Variants in CACNA1E observed in about 807,000 individuals in gnomAD.
CACNA1E encodes the protein calcium voltage-gated channel subunit alpha1 E, also known as voltage-dependent R-type calcium channel subunit alpha-1E.
CACNA1E carries 40 observed loss-of-function variants against 259.2 expected under a neutral mutation model. The ratio of observed to expected loss-of-function variants is 0.15; its 90% CI spans 0.12 to 0.20. The LOEUF (loss-of-function observed/expected upper bound fraction) is 0.20. Ranked by LOEUF, CACNA1E falls within the 10% of genes least tolerant of loss-of-function variation. CACNA1E has a pLI of 1.00. For missense variants in CACNA1E, 1,874 were observed against 3,040.1 expected, an observed-to-expected ratio of 0.62 and a Z score of 9.02; for synonymous variants, 1,104 against 1,138.5, an observed-to-expected ratio of 0.97 and a Z score of 0.61.
At chr1:181,609,838 C>T (rs1445939276) in intron 6 of CACNA1E, among the ~76,000 whole-genome samples, 1 of 152,132 alleles carries the variant, frequency 6.6e-6, no homozygotes, top group East Asian at 1.9e-4. Context: ...ACAAGCAGTA[C>T]GCTGGATCTG....
At chr1:181,741,807 G>A (rs1007913133) in intron 25 of CACNA1E, among the ~76,000 whole-genome samples, 16 of 152,184 alleles carry the variant, frequency 1.1e-4, no homozygotes, top group Admixed American at 2.6e-4. Context: ...TAACGGCCCC[G>A]GAGCTGAAGC....
rs571483864 is a variant in CACNA1E, at chr1:181,348,907, G to A, written c.-15+30784G>A. On this transcript the variant is annotated intron_variant, in intron 1 of 11. Coordinates refer to the CACNA1E transcript ENST00000524607. ...TTCAGTGAAGGCACAATGGGATGTG[G>A]CCAGGTCCTACAGCCAGACAGTGGT... Among the ~76,000 whole-genome samples the A allele has an allele frequency of 2.0e-4, 30 of 152,294 alleles. No individual in the cohort carries two copies. The East Asian group carries it at 5.2e-3, about 26-fold the overall frequency.
intron 7 of CACNA1E, among the ~76,000 whole-genome samples, chr1:181,685,388 C>A (rs990978743): frequency 6.6e-6 from 1 of 152,106 alleles, no homozygotes; most frequent in Admixed American, 6.6e-5. Context: ...TTGAGGGAAC[C>A]GAGTTGGAAT....
At chr1:181,469,484 G>A (rs776984551) in intron 2 of CACNA1E, among the ~76,000 whole-genome samples, 1 of 152,036 alleles carries the variant, frequency 6.6e-6, no homozygotes, top group Non-Finnish European at 1.5e-5. Context: ...TCATGGTGCT[G>A]TCAGGTCATC....
Position 181,796,797 on chromosome 1 carries a change from C to G in CACNA1E, c.6338C>G (p.Ser2113Cys), listed in dbSNP as rs1661846253. Residue 2113 changes from serine (S) to cysteine (C), a missense_variant, in exon 47 of 48, where the codon TCC becomes TGC. Transcript: ENST00000367573. ...CGAGGGACCCAGGCTGACTGGGAGTCCCCAGAGCGCCGTCAATCCAGGTCA... is the reference window on the plus strand; with the variant it reads ...CGAGGGACCCAGGCTGACTGGGAGTGCCCAGAGCGCCGTCAATCCAGGTCA... ...EERGTQADWESPERRQSRSPS... is the reference protein window; with the variant it reads ...EERGTQADWECPERRQSRSPS... The G allele has an allele frequency of 6.2e-7, 1 of 1,610,730 alleles. No individual in the cohort carries two copies. Among genetic ancestry groups the G allele is most frequent in the Non-Finnish European group, 8.5e-7 (1 of 1,178,486 alleles).
intron 7 of CACNA1E, among the ~76,000 whole-genome samples, chr1:181,704,789 C>T (rs1238080369): frequency 6.6e-6 from 1 of 152,174 alleles, no homozygotes; most frequent in East Asian, 1.9e-4. Context: ...ACAAAGCTCC[C>T]TGCATGGAGC....
At chr1:181,407,761 A>G (rs979813277) in intron 1 of CACNA1E, among the ~76,000 whole-genome samples, 1 of 152,200 alleles carries the variant, frequency 6.6e-6, no homozygotes, top group Non-Finnish European at 1.5e-5. Context: ...GCGGGTGAGT[A>G]TGCTGAGTAG....
chr1:181,553,106 A>T (rs966128632), intron 3 of CACNA1E, among the ~76,000 whole-genome samples: 151 of 152,126 alleles, frequency 9.9e-4, no homozygotes, highest in African/African-American at 3.4e-3. Context: ...GGCCATTTTT[A>T]CGATATTGAT....
At chr1:181,794,829 A>T in intron 45 of CACNA1E, 35 bp from the exon 46 acceptor site, 1 of 1,583,254 alleles carries the variant, frequency 6.3e-7, no homozygotes, top group Non-Finnish European at 8.6e-7. Context: ...TCGTTAATCC[A>T]TACCTTGTGT....
At position 181,672,780 on chromosome 1, in the gene CACNA1E, T is replaced by C. The variant is rs576095737; in HGVS notation, c.1055+21339T>C. ...GCTTTCTAGGCATTTCTTATCCATA[T>C]AGTCTTTCAAACCTGGTCAAGGTTT... On this transcript the variant is annotated intron_variant, in intron 7 of 47. Transcript: ENST00000367573. Among the ~76,000 whole-genome samples, 7 of 152,358 alleles carry C rather than the reference T, an allele frequency of 4.6e-5. No homozygotes were observed. The South Asian group carries it at 8.3e-4, about 18-fold the overall frequency.
intron 1 of CACNA1E, among the ~76,000 whole-genome samples, chr1:181,393,919 C>T (rs1019572233): frequency 4.6e-5 from 7 of 152,142 alleles, no homozygotes; most frequent in East Asian, 1.9e-4. Context: ...AAGAGCAGCT[C>T]GGGTTATGTT....
exon 2 of CACNA1E, chr1:181,413,309 C>A (rs896358030): frequency 6.6e-6 from 1 of 152,426 alleles, no homozygotes; most frequent in Admixed American, 6.5e-5. Flanking sequence ...GTGCGCTCTG[C>A]TCGAGGCCGA....
chr1:181,730,611 G>A (rs974728945), intron 18 of CACNA1E, among the ~76,000 whole-genome samples: 1 of 152,230 alleles, frequency 6.6e-6, no homozygotes, highest in Admixed American at 6.5e-5. Flanking sequence ...TACATGGATG[G>A]TGGCCTACGG....
chr1:181,732,127 G>A lies in CACNA1E; in HGVS notation c.2298-257G>A, dbSNP rs1205569527. On this transcript the variant is annotated intron_variant, in intron 19 of 47. Transcript: ENST00000367573. This position sits in a 1 kb window ranked among gnomAD's most constrained non-coding sequence, Gnocchi z 5.5. Reference sequence around the variant, plus strand: ...GGGACTTGGAACTCCTCCCAGGGTTGATGCCTACCCAGCCCTCAGCTACTA... The same window carrying A: ...GGGACTTGGAACTCCTCCCAGGGTTAATGCCTACCCAGCCCTCAGCTACTA... Among the ~76,000 whole-genome samples the A allele has an allele frequency of 1.3e-5, 2 of 152,026 alleles. No homozygotes were observed. The highest frequency in any genetic ancestry group is 2.4e-5 in the African/African-American group (1 of 41,400).
At chr1:181,648,862 C>A (rs537842483) in intron 6 of CACNA1E, among the ~76,000 whole-genome samples, 1 of 151,730 alleles carries the variant, frequency 6.6e-6, no homozygotes, top group Non-Finnish European at 1.5e-5. Flanking sequence ...TGGGTGTAGA[C>A]TCAGTTTTTG....
At chr1:181,445,682 G>C (rs1233682821) in intron 2 of CACNA1E, among the ~76,000 whole-genome samples, 2 of 152,244 alleles carry the variant, frequency 1.3e-5, no homozygotes, top group Non-Finnish European at 2.9e-5. Context: ...GGATCAGCCT[G>C]ACACAGAGGC....
chr1:181,706,851 T>G (rs1652845901), intron 7 of CACNA1E, among the ~76,000 whole-genome samples: 1 of 152,264 alleles, frequency 6.6e-6, no homozygotes, highest in Admixed American at 6.5e-5. Context: ...CTCGCAGGGC[T>G]TTTGAAACTA....
In CACNA1E at chr1:181,732,346, T is replaced by C. The variant is rs376600854; in HGVS notation, c.2298-38T>C. The C allele has an allele frequency of 5.0e-4, 742 of 1,471,920 alleles. 4 individuals are homozygous for C. In the African/African-American group the frequency reaches 9.2e-3, roughly 18 times the overall value. 91.2% of individuals were successfully genotyped at this position (1,471,920 alleles called of 1,614,324 possible). A position where few individuals can be genotyped will look rare whatever the true frequency, so the allele number is the denominator to read the frequency against. On this transcript the variant is annotated intron_variant, in intron 19 of 47. Coordinates refer to ENST00000367573, the MANE Select transcript of CACNA1E (RefSeq NM_001205293.3). The surrounding 1 kb of genome is among the most constrained non-coding windows in gnomAD (Gnocchi z 5.5). Reference sequence around the variant, plus strand: ...GGCCACCCTCCCTGCCTGCAGCTTCTGGGCTCTGACCGCGGCCCTGCCCTT... The same window carrying C: ...GGCCACCCTCCCTGCCTGCAGCTTCCGGGCTCTGACCGCGGCCCTGCCCTT...
At chr1:181,786,295 G>T (rs1660839545) in intron 43 of CACNA1E, among the ~76,000 whole-genome samples, 1 of 152,164 alleles carries the variant, frequency 6.6e-6, no homozygotes, top group South Asian at 2.1e-4. Context: ...AATCTCACTT[G>T]ATTCCCACTC....
Sources: allele counts gnomAD v4.1 joint callset (sites outside exome capture counted in the v4.1 genomes callset), GRCh38; gene constraint gnomAD v4.1.1; non-coding constraint Gnocchi (gnomAD v3.1); transcripts MANE v1.5; gene names NCBI Gene and HGNC (gene_info 2026-07-23, HGNC 2026-07-21).